The following OXR1 variants were observed in gnomAD, a reference collection of about 807,000 sequenced individuals.
OXR1 encodes oxidation resistance 1, also known as oxidation resistance protein 1.
OXR1 carries 41 observed loss-of-function variants against 104.6 expected under a neutral mutation model. The observed-to-expected ratio is 0.39, with a 90% CI of 0.31 to 0.51. The LOEUF (loss-of-function observed/expected upper bound fraction) is 0.51. Ranked by LOEUF, OXR1 falls within the 20% of genes least tolerant of loss-of-function variation. The pLI is 0.77. For synonymous variants in OXR1, 348 were observed against 348.4 expected (o/e 1.00, Z 0.01); for missense variants, 955 against 1,031.9 (o/e 0.93, Z 1.02).
intron 3 of OXR1, among the ~76,000 whole-genome samples, chr8:106,637,894 T>G (rs906641480): frequency 2.0e-5 from 3 of 151,962 alleles, no homozygotes; most frequent in African/African-American, 7.3e-5. Flanking sequence ...CCTGAGTAGC[T>G]GGGACTACAG....
At chr8:106,451,553 A>T (rs1223103321) in intron 2 of OXR1, among the ~76,000 whole-genome samples, 1 of 152,172 alleles carries the variant, frequency 6.6e-6, no homozygotes, top group African/African-American at 2.4e-5. Flanking sequence ...ATTTAGAATA[A>T]CAGGAAATTT....
chr8:106,541,787 A>G (rs968684926), intron 3 of OXR1, among the ~76,000 whole-genome samples: 4 of 152,164 alleles, frequency 2.6e-5, no homozygotes, highest in Non-Finnish European at 5.9e-5. Flanking sequence ...AATAGTTCCC[A>G]AGGGGAATCT....
At chr8:106,674,512 G>A (rs553417114) in intron 3 of OXR1, among the ~76,000 whole-genome samples, 151 of 152,262 alleles carry the variant, frequency 9.9e-4, no homozygotes, top group Non-Finnish European at 1.9e-3. Flanking sequence ...TTGGATTTTA[G>A]GGTTAATGCT....
chr8:106,507,369 T>C (rs1269490753), intron 2 of OXR1, among the ~76,000 whole-genome samples: 1 of 152,224 alleles, frequency 6.6e-6, no homozygotes, highest in Non-Finnish European at 1.5e-5. Context: ...GATCCCATAA[T>C]AAGAAGGCAA....
chr8:106,626,044 T>TTGTGTGTGTG (rs59554916), intron 3 of OXR1, among the ~76,000 whole-genome samples: 2,988 of 148,394 alleles, frequency 0.02, 53 homozygotes, highest in African/African-American at 0.045. Context: ...GTTCTGCGTT[T>TTGTGTGTGTG]TGTGTGTGTG....
At chr8:106,373,027 T>A (rs1160333993) in intron 2 of OXR1, among the ~76,000 whole-genome samples, 1 of 152,192 alleles carries the variant, frequency 6.6e-6, no homozygotes, top group Non-Finnish European at 1.5e-5. Flanking sequence ...TTCTTAAAAA[T>A]TTGAATTTGG....
chr8:106,508,640 T>A (rs1812328130), intron 2 of OXR1, among the ~76,000 whole-genome samples: 1 of 152,252 alleles, frequency 6.6e-6, no homozygotes, highest in Non-Finnish European at 1.5e-5. Flanking sequence ...ACATTTATAA[T>A]GACTTAAGGA....
At chr8:106,734,382 A>G (rs1834190267) in intron 11 of OXR1, among the ~76,000 whole-genome samples, 2 of 152,122 alleles carry the variant, frequency 1.3e-5, no homozygotes, top group African/African-American at 4.8e-5. Flanking sequence ...CTTCTTTAAC[A>G]TATTTTTTGA....
At chr8:106,479,564 A>G (rs1260342485) in intron 2 of OXR1, among the ~76,000 whole-genome samples, 2 of 152,016 alleles carry the variant, frequency 1.3e-5, no homozygotes, top group Non-Finnish European at 2.9e-5. Context: ...ACTGTGCAGT[A>G]CACAGCCTGC....
At chr8:106,552,633 T>A (rs772146985) in intron 3 of OXR1, among the ~76,000 whole-genome samples, 1 of 152,188 alleles carries the variant, frequency 6.6e-6, no homozygotes. Flanking sequence ...AAAGCAAAAG[T>A]GCATGATGAT....
chr8:106,693,143 G>A (rs924753317), intron 7 of OXR1, among the ~76,000 whole-genome samples: 1 of 152,152 alleles, frequency 6.6e-6, no homozygotes, highest in Non-Finnish European at 1.5e-5. Flanking sequence ...TATTTCAAAA[G>A]TGTGAATAAA....
chr8:106,434,449 A>G (rs1371723698), intron 2 of OXR1, among the ~76,000 whole-genome samples: 2 of 152,216 alleles, frequency 1.3e-5, no homozygotes, highest in Non-Finnish European at 2.9e-5. Flanking sequence ...TCTAGAGTAT[A>G]GTATGGACAG....
chr8:106,703,156 C>T (rs1013998423), intron 8 of OXR1, 66 bp downstream of exon 8: 5 of 1,023,864 alleles, frequency 4.9e-6, no homozygotes, highest in Non-Finnish European at 7.1e-6. Flanking sequence ...TTGTCTAATA[C>T]CTTAACTATT....
At chr8:106,381,861 C>T (rs1817163791) in intron 2 of OXR1, among the ~76,000 whole-genome samples, 1 of 152,056 alleles carries the variant, frequency 6.6e-6, no homozygotes, top group Non-Finnish European at 1.5e-5. Context: ...ATTTTAGTGG[C>T]TTAAATATAC....
intron 3 of OXR1, among the ~76,000 whole-genome samples, chr8:106,526,364 A>G (rs989367684): frequency 6.6e-6 from 1 of 152,222 alleles, no homozygotes; most frequent in Non-Finnish European, 1.5e-5. Flanking sequence ...ATGAAGGAGA[A>G]AATGATTGAG....
At chr8:106,653,486 A>G (rs1824794020) in intron 3 of OXR1, among the ~76,000 whole-genome samples, 1 of 151,974 alleles carries the variant, frequency 6.6e-6, no homozygotes, top group South Asian at 2.1e-4. Flanking sequence ...TTAACAGGAT[A>G]AAGGACAAAA....
In OXR1 at chr8:106,706,918, A is replaced by G; in HGVS notation, c.1397A>G (p.Glu466Gly). The G allele has an allele frequency of 6.2e-7, 1 of 1,612,524 alleles. No individual in the cohort carries two copies. Among genetic ancestry groups the G allele is most frequent in the Middle Eastern group, 1.7e-4 (1 of 6,054 alleles). The stretch of plus-strand genomic sequence containing the variant: ...TTACACCAAGAAGAGAGTCAAAAAG[A>G]AAATATGCCTTGTGGGGAAACAGCA... ...NSLHQEESQK[E>G]NMPCGETAEF... is the part of the protein sequence containing the mutation. The change falls in exon 9 of 17, where the codon GAA (glutamate) becomes GGA (glycine). Residue 466 changes from glutamate to glycine, a missense_variant. By Grantham distance (98) the Glu-to-Gly change is moderately conservative (BLOSUM62 -2). Coordinates refer to ENST00000517566, the MANE Select transcript of OXR1 (RefSeq NM_001198533.2).
intron 2 of OXR1, among the ~76,000 whole-genome samples, chr8:106,497,917 C>T (rs868323177): frequency 6.6e-5 from 10 of 152,084 alleles, no homozygotes; most frequent in South Asian, 2.1e-4. Context: ...CACTTGTGGC[C>T]CTGTTTTTTT....
At chr8:106,298,177 A>G (rs1418190895) in intron 1 of OXR1, among the ~76,000 whole-genome samples, 1 of 152,214 alleles carries the variant, frequency 6.6e-6, no homozygotes, top group Non-Finnish European at 1.5e-5. Context: ...AGGAATCTGT[A>G]TTAGTCTGTT....
Sources: gnomAD v4.1 joint callset for allele counts (sites outside exome capture counted in the v4.1 genomes callset) on GRCh38, gnomAD v4.1.1 for gene constraint, MANE v1.5 for transcripts, NCBI Gene and HGNC (gene_info 2026-07-23, HGNC 2026-07-21) for gene names.